The following KCNJ6 variants were observed in gnomAD, a reference collection of about 807,000 sequenced individuals.
The protein encoded by KCNJ6 is G protein-activated inward rectifier potassium channel 2.
In KCNJ6, 9 loss-of-function variants were observed where a neutral mutation model predicts 34.2. The ratio of observed to expected loss-of-function variants is 0.26; its 90% CI spans 0.16 to 0.46. The LOEUF (loss-of-function observed/expected upper bound fraction) is 0.46. Ranked by LOEUF, KCNJ6 falls within the 20% of genes least tolerant of loss-of-function variation. The probability of loss-of-function intolerance (pLI) is 1.00; values close to 1 mark genes in which losing one functional copy is unlikely to be tolerated. For synonymous variants in KCNJ6, 196 were observed against 207.1 expected (o/e 0.95, Z 0.46); for missense variants, 236 against 531.3 (o/e 0.44, Z 5.46).
At chr21:37,838,449 C>T (rs2055462859) in intron 2 of KCNJ6, among the ~76,000 whole-genome samples, 2 of 152,224 alleles carry the variant, frequency 1.3e-5, no homozygotes, top group Non-Finnish European at 2.9e-5. Flanking sequence ...AGCATCATAA[C>T]TTATGTGCAA....
intron 1 of KCNJ6, among the ~76,000 whole-genome samples, chr21:37,895,985 A>G (rs1025701842): frequency 1.3e-5 from 2 of 152,224 alleles, no homozygotes; most frequent in Non-Finnish European, 2.9e-5. Flanking sequence ...TACTTTATAA[A>G]GAAAAGAGTT....
chr21:37,822,366 G>A (rs1346230425), intron 2 of KCNJ6, among the ~76,000 whole-genome samples: 1 of 152,072 alleles, frequency 6.6e-6, no homozygotes, highest in Non-Finnish European at 1.5e-5. Flanking sequence ...GTGCTGCCAG[G>A]GCTGTGCCCA....
At chr21:37,866,420 A>G (rs2055622980) in intron 1 of KCNJ6, among the ~76,000 whole-genome samples, 2 of 152,202 alleles carry the variant, frequency 1.3e-5, no homozygotes, top group Admixed American at 1.3e-4. Flanking sequence ...GTTTCTATAG[A>G]TGGATGGAAG....
At chr21:37,770,824 A>G (rs889912451) in intron 2 of KCNJ6, among the ~76,000 whole-genome samples, 1 of 152,180 alleles carries the variant, frequency 6.6e-6, no homozygotes, top group Non-Finnish European at 1.5e-5. Flanking sequence ...TTGTATATAT[A>G]TGTTTTCCCC....
intron 3 of KCNJ6, among the ~76,000 whole-genome samples, chr21:37,639,976 C>A (rs1428743472): frequency 6.6e-6 from 1 of 152,192 alleles, no homozygotes; most frequent in Non-Finnish European, 1.5e-5. Context: ...GTACAGCCTG[C>A]AGATCTGTGA....
At chr21:37,705,819 T>C (rs1272415920) in intron 3 of KCNJ6, among the ~76,000 whole-genome samples, 1 of 152,238 alleles carries the variant, frequency 6.6e-6, no homozygotes, top group Non-Finnish European at 1.5e-5. Flanking sequence ...TCCTGGCAAG[T>C]CTAGTATGCT....
chr21:37,628,248 G>A (rs1163119089), intron 3 of KCNJ6, among the ~76,000 whole-genome samples: 2 of 152,108 alleles, frequency 1.3e-5, no homozygotes, highest in Non-Finnish European at 2.9e-5. Flanking sequence ...TCAGCTATTT[G>A]AAATATGTTC....
intron 1 of KCNJ6, among the ~76,000 whole-genome samples, chr21:37,862,268 T>C (rs749448869): frequency 6.6e-5 from 10 of 152,244 alleles, no homozygotes; most frequent in Non-Finnish European, 1.0e-4. Flanking sequence ...CTACCTTAAA[T>C]AGGCAGGGCT....
intron 1 of KCNJ6, among the ~76,000 whole-genome samples, chr21:37,893,240 C>T (rs893659000): frequency 3.3e-5 from 5 of 151,920 alleles, no homozygotes; most frequent in East Asian, 1.9e-4. Context: ...TGGAGTCTCA[C>T]GCCATCTCCC....
At chr21:37,677,883 G>C (rs992976915) in intron 3 of KCNJ6, among the ~76,000 whole-genome samples, 3 of 146,452 alleles carry the variant, frequency 2.0e-5, no homozygotes, top group Non-Finnish European at 4.4e-5. Context: ...ACACCCTTCT[G>C]TTCACTCATT....
chr21:37,836,944 G>A (rs2123574196), intron 2 of KCNJ6, among the ~76,000 whole-genome samples: 1 of 152,080 alleles, frequency 6.6e-6, no homozygotes. Flanking sequence ...AAGTTCACAG[G>A]CTGTGAACTG....
At chr21:37,894,234 T>A (rs1396609005) in intron 1 of KCNJ6, among the ~76,000 whole-genome samples, 2 of 152,154 alleles carry the variant, frequency 1.3e-5, no homozygotes, top group East Asian at 3.8e-4. Flanking sequence ...AACATCACAA[T>A]CACCAGGGAG....
intron 2 of KCNJ6, among the ~76,000 whole-genome samples, chr21:37,715,489 G>C (rs1277485035): frequency 6.6e-6 from 1 of 152,226 alleles, no homozygotes; most frequent in Non-Finnish European, 1.5e-5. Flanking sequence ...TGATGAAGGA[G>C]TCCTCTTTAG....
At chr21:37,742,882 C>T (rs777965857) in intron 2 of KCNJ6, among the ~76,000 whole-genome samples, 7 of 152,230 alleles carry the variant, frequency 4.6e-5, no homozygotes, top group Non-Finnish European at 8.8e-5. Context: ...AACCTTCCAT[C>T]TCTTCTCTGC....
chr21:37,854,800 CA>C (rs2055556413), intron 1 of KCNJ6, among the ~76,000 whole-genome samples: 3 of 152,170 alleles, frequency 2.0e-5, no homozygotes, highest in Non-Finnish European at 2.9e-5. Flanking sequence ...AAGGTTTAAT[CA>C]ACCAAGAATA....
At chr21:37,626,798 C>A (rs980413194) in intron 3 of KCNJ6, among the ~76,000 whole-genome samples, 17 of 152,110 alleles carry the variant, frequency 1.1e-4, no homozygotes, top group African/African-American at 4.1e-4. Context: ...TGTTTTAACT[C>A]TTTTAAAATC....
At chr21:37,895,156 G>A (rs1386960023) in intron 1 of KCNJ6, among the ~76,000 whole-genome samples, 2 of 152,170 alleles carry the variant, frequency 1.3e-5, no homozygotes, top group Non-Finnish European at 2.9e-5. Context: ...TAGCAGTTCA[G>A]CTTCTTTCTA....
chr21:37,784,995 A>C (rs2055186333), intron 2 of KCNJ6, among the ~76,000 whole-genome samples: 1 of 152,026 alleles, frequency 6.6e-6, no homozygotes, highest in Non-Finnish European at 1.5e-5. Flanking sequence ...GAGCCCCCAG[A>C]CTCGTGTCTG....
chr21:37,728,945 T>C (rs1005099406), intron 2 of KCNJ6, among the ~76,000 whole-genome samples: 1 of 152,210 alleles, frequency 6.6e-6, no homozygotes, highest in African/African-American at 2.4e-5. Flanking sequence ...TGTGTCTGTG[T>C]TGTCATGTGA....
Sources: allele counts gnomAD v4.1 joint callset (sites outside exome capture counted in the v4.1 genomes callset), GRCh38; gene constraint gnomAD v4.1.1; transcripts MANE v1.5; gene names NCBI Gene and HGNC (gene_info 2026-07-23, HGNC 2026-07-21).